Variants in DNAH17 observed in about 807,000 individuals in gnomAD.
DNAH17 encodes the protein dynein axonemal heavy chain 17, also known as axonemal beta dynein heavy chain 17.
DNAH17 carries 376 observed loss-of-function variants against 485.6 expected under a neutral mutation model. The observed-to-expected ratio is 0.77, with a 90% CI of 0.71 to 0.84. The LOEUF (loss-of-function observed/expected upper bound fraction) is 0.84, where lower values mean the gene tolerates loss of function less well. DNAH17 is among the 40% of genes least tolerant of loss of function. DNAH17 has a pLI of 0.00. For missense variants in DNAH17, 6,370 were observed against 5,839.3 expected (o/e 1.09, Z -2.96); for synonymous variants, 3,031 against 2,405.9 (o/e 1.26, Z -7.60).
At chr17:78,475,600 G>A (rs990907543) in intron 53 of DNAH17, 69 bp downstream of exon 53, 171 of 1,602,062 alleles carry the variant, frequency 1.1e-4, no homozygotes, top group Non-Finnish European at 1.4e-4. Context: ...CTCGGATGTC[G>A]ATAATGCAAC....
At chr17:78,558,447 CTGACATCACCCTCATGGGTGGA>C (rs1325730310) in intron 13 of DNAH17, among the ~76,000 whole-genome samples, 193 bp from the exon 14 acceptor site, 16,844 of 89,290 alleles carry the variant, frequency 0.19, 1,491 homozygotes, top group East Asian at 0.32. Context: ...CCGGAAAGCA[CTGACATCACCCTCATGGGTGGA>C]TGACATCACC....
At chr17:78,458,849 C>A in intron 61 of DNAH17, 152 bp downstream of exon 61, 1 of 1,055,320 alleles carries the variant, frequency 9.5e-7, no homozygotes, top group Non-Finnish European at 1.4e-6. Context: ...CTCCCGGCAC[C>A]ATCTGGCCCC....
At position 78,490,800 on chromosome 17, in the gene DNAH17, C is replaced by T. The variant is rs753702825; in HGVS notation, c.6717G>A (p.Met2239Ile). 6.2e-7 allele frequency: 1 copy of T among 1,604,664 alleles called. No homozygotes were observed. The highest frequency in any genetic ancestry group is 8.5e-7 in the Non-Finnish European group (1 of 1,175,858). The part of the protein sequence containing the change: ...SNERIPLNRT[M>I]RLVFEISHLR... ...GGTGGCTGATTTCGAACACCAGCCT[C>T]ATGGTGCGGTTCAGGGGGATCCGCT... Residue 2239 changes from methionine to isoleucine, a missense_variant, in exon 44 of 81, where the codon ATG becomes ATA. Coordinates refer to ENST00000389840, the MANE Select transcript of DNAH17 (RefSeq NM_173628.4).
rs199727257 is a variant in DNAH17, at chr17:78,532,729, A to C, written c.2867T>G (p.Leu956Arg). The C allele has an allele frequency of 1.4e-5, 22 of 1,591,618 alleles. No individual in the cohort carries two copies. In the African/African-American group the frequency reaches 2.4e-4, roughly 17 times the overall value. ...AKDRMNYKMD[L>R]EDNTDLIEMR... ...CTCTATGAGGTCTGTGTTATCTTCCAGGTCCATCTGAAAGGGGCAGGGGAG... is the reference window on the plus strand; with the variant it reads ...CTCTATGAGGTCTGTGTTATCTTCCCGGTCCATCTGAAAGGGGCAGGGGAG... Residue 956 changes from leucine to arginine, a missense_variant, in exon 20 of 81, where the codon CTG (leucine) becomes CGG (arginine). Transcript: ENST00000389840.
chr17:78,567,314 T>C, intron 9 of DNAH17, 148 bp from the exon 10 acceptor site: 1 of 742,892 alleles, frequency 1.3e-6, no homozygotes, highest in Non-Finnish European at 2.2e-6. Flanking sequence ...GGACACCCTC[T>C]GTGTCTGTGC....
At chr17:78,551,432 C>A in intron 16 of DNAH17, 103 bp downstream of exon 16, 1 of 1,038,044 alleles carries the variant, frequency 9.6e-7, no homozygotes, top group East Asian at 2.4e-5. Flanking sequence ...CACTGCACCC[C>A]ACACATCGCA....
In DNAH17 at chr17:78,500,151, A is replaced by G. The variant is rs1314633391; in HGVS notation, c.5640+154T>C. ...AGAGGGACCACCTGAGGGGGATGCT[A>G]CCAGCAAGTGGGGGCCCTGGCACCT... On this transcript the variant is annotated intron_variant, in intron 36 of 80. Coordinates refer to ENST00000389840, the MANE Select transcript of DNAH17 (RefSeq NM_173628.4). 3 of 811,008 alleles carry G rather than the reference A, an allele frequency of 3.7e-6. No homozygotes were observed. In the East Asian group the frequency reaches 9.0e-5, roughly 24 times the overall value. 50.2% of individuals were successfully genotyped at this position (811,008 alleles called of 1,614,324 possible). A position where few individuals can be genotyped will look rare whatever the true frequency, so the allele number is the denominator to read the frequency against.
intron 48 of DNAH17, among the ~76,000 whole-genome samples, chr17:78,482,510 T>C (rs1332074942): frequency 6.6e-6 from 1 of 152,222 alleles, no homozygotes; most frequent in African/African-American, 2.4e-5. Flanking sequence ...GCAAAATTCC[T>C]TAACTTTCAT....
intron 62 of DNAH17, among the ~76,000 whole-genome samples, chr17:78,456,952 C>T (rs1441680806): frequency 4.6e-5 from 7 of 152,218 alleles, no homozygotes; most frequent in Admixed American, 4.6e-4. Flanking sequence ...TGCTGAGGCT[C>T]CGGGTGCTCC....
chr17:78,495,148 T>C, intron 38 of DNAH17, 51 bp from the exon 39 acceptor site: 1 of 1,527,600 alleles, frequency 6.5e-7, no homozygotes, highest in South Asian at 1.3e-5. Context: ...CTCCCCAACC[T>C]ACACCCCTGC....
At chr17:78,508,260 C>T (rs552685184) in intron 27 of DNAH17, among the ~76,000 whole-genome samples, 41 of 152,286 alleles carry the variant, frequency 2.7e-4, no homozygotes, top group Admixed American at 1.8e-3. Flanking sequence ...AGATGCAATT[C>T]CCAGGTGAAT....
intron 22 of DNAH17, among the ~76,000 whole-genome samples, chr17:78,528,795 G>A (rs994005086): frequency 6.6e-6 from 1 of 152,068 alleles, no homozygotes; most frequent in East Asian, 1.9e-4. Context: ...ATCAAGTGCT[G>A]TGCAAACGCA....
chr17:78,469,745 A>G (rs2088657148), intron 54 of DNAH17, among the ~76,000 whole-genome samples: 2 of 152,250 alleles, frequency 1.3e-5, no homozygotes, highest in African/African-American at 2.4e-5. Context: ...GGTCTTAAAA[A>G]GGGGAGGAAA....
chr17:78,491,982 G>A (rs1306238191), intron 42 of DNAH17, among the ~76,000 whole-genome samples: 1 of 152,180 alleles, frequency 6.6e-6, no homozygotes, highest in East Asian at 1.9e-4. Flanking sequence ...TGGGGGCTGG[G>A]GGTACAGAGC....
Position 78,539,761 on chromosome 17 carries a change from G to A in DNAH17, c.2652C>T (p.Phe884=). ...CATCTATAACCATGTTGTCCATTAGGAAACTCAGAGATTTGCGAATGAACT... is the reference window on the plus strand; with the variant it reads ...CATCTATAACCATGTTGTCCATTAGAAAACTCAGAGATTTGCGAATGAACT... ...FDQFIRKSLS[F]LMDNMVIDES... Residue 884 remains phenylalanine (F), a synonymous_variant, in exon 18 of 81, where the codon TTC becomes TTT. Coordinates refer to ENST00000389840, the MANE Select transcript of DNAH17 (RefSeq NM_173628.4). 7.4e-6 allele frequency: 12 copies of A among 1,611,202 alleles called. No individual in the cohort carries two copies. The highest frequency in any genetic ancestry group is 1.1e-5 in the South Asian group (1 of 90,724).
At chr17:78,518,675 C>G (rs144855019) in intron 25 of DNAH17, among the ~76,000 whole-genome samples, 4 of 152,096 alleles carry the variant, frequency 2.6e-5, no homozygotes. Flanking sequence ...TAAAACACTC[C>G]GCCCAACAGA....
At chr17:78,532,459 T>C (rs2091265995) in intron 20 of DNAH17, 23 bp downstream of exon 20, 19 of 1,588,388 alleles carry the variant, frequency 1.2e-5, no homozygotes, top group Non-Finnish European at 1.6e-5. Flanking sequence ...ACAAGGAGGC[T>C]GGTGGGTGAG....
chr17:78,476,651 T>G lies in DNAH17; in HGVS notation c.8075A>C (p.Tyr2692Ser). 6.2e-7 allele frequency: 1 copy of G among 1,612,802 alleles called. No individual in the cohort carries two copies. The highest frequency in any genetic ancestry group is 1.1e-5 in the South Asian group (1 of 90,708). Residue 2692 changes from tyrosine to serine, a missense_variant, in exon 52 of 81, where the codon TAT (tyrosine) becomes TCT (serine). Physicochemically the swap from Tyr to Ser is moderately radical, Grantham distance 144. Transcript: ENST00000389840. Reference sequence around the variant, plus strand: ...TTTTTCGTCAACCATTTTGTCACCATACACTCGTTCAGTCTCATGTAGCCA... The same window carrying G: ...TTTTTCGTCAACCATTTTGTCACCAGACACTCGTTCAGTCTCATGTAGCCA... ...RLWLHETERV[Y>S]GDKMVDEKDQ...
At position 78,569,154 on chromosome 17, in the gene DNAH17, T is replaced by C. The variant is rs1004708226; in HGVS notation, c.1284+12A>G. 2 of 1,584,602 alleles carry C rather than the reference T, an allele frequency of 1.3e-6. No homozygotes were observed. Among genetic ancestry groups the C allele is most frequent in the Non-Finnish European group, 1.7e-6 (2 of 1,163,936 alleles). On this transcript the variant is annotated intron_variant, in intron 9 of 80. Coordinates refer to ENST00000389840, the MANE Select transcript of DNAH17 (RefSeq NM_173628.4). ...GAAGTGGAGGTCAAGATGCACCGAG[T>C]TCTGTTTTTACCTCAATGGTCTGGA... is the stretch of plus-strand genomic sequence containing the variant.
Sources: allele counts gnomAD v4.1 joint callset (sites outside exome capture counted in the v4.1 genomes callset), GRCh38; gene constraint gnomAD v4.1.1; transcripts MANE v1.5; gene names NCBI Gene and HGNC (gene_info 2026-07-23, HGNC 2026-07-21).